The following GPC3 variants were observed in gnomAD, a reference collection of about 807,000 sequenced individuals.
GPC3 encodes the protein glypican 3, also known as glypican-3.
GPC3 carries 3 observed loss-of-function variants against 34.4 expected under a neutral mutation model. The ratio of observed to expected loss-of-function variants is 0.09; its 90% CI spans 0.04 to 0.23. The LOEUF is 0.23. Among genes scored for constraint, GPC3 ranks in the 10% least tolerant of loss-of-function variants. GPC3 has a pLI of 1.00. For missense variants in GPC3, 351 were observed against 445.6 expected, an observed-to-expected ratio of 0.79 and a Z score of 1.91; for synonymous variants, 177 against 174.0, an observed-to-expected ratio of 1.02 and a Z score of -0.13.
At position 133,611,240 on chromosome X, in the gene GPC3, G is replaced by GT. The variant is rs2070109199; in HGVS notation, c.1414-14642_1414-14641insA. Among the ~76,000 whole-genome samples the GT allele has an allele frequency of 3.6e-5, 4 of 109,732 alleles. No homozygotes were observed. The South Asian group carries it at 1.6e-3, about 44-fold the overall frequency. ...GGTGGGGTGTGGGTGGGGGTGTGGT[G>GT]GGGGGTGGAGCATGAAGCAGCCAAT... is the stretch of plus-strand genomic sequence containing the variant. On this transcript the variant is annotated intron_variant, in intron 6 of 7. Transcript: ENST00000370818.
intron 2 of GPC3, among the ~76,000 whole-genome samples, chrX:133,770,100 G>A (rs2071899159): frequency 8.9e-6 from 1 of 112,066 alleles, no homozygotes. Flanking sequence ...AACATAGTGA[G>A]ACTCTGTCTC....
rs190013313 is a variant in GPC3, at chrX:133,902,575, T to C, written c.337+50475A>G. ...TCGTCTCTACTAAAAATACAAAAAC[T>C]AGCCAGGCGTGGTGGTGCACACCTG... is the stretch of plus-strand genomic sequence containing the variant. On this transcript the variant is annotated intron_variant, in intron 2 of 7. Transcript: ENST00000370818. Among the ~76,000 whole-genome samples the C allele has an allele frequency of 4.2e-3, 467 of 110,828 alleles. 1 individual carries two copies. Among genetic ancestry groups the C allele is most frequent in the African/African-American group, 0.013 (394 of 30,488 alleles).
intron 3 of GPC3, among the ~76,000 whole-genome samples, chrX:133,716,907 G>A (rs1323038591): frequency 1.8e-5 from 2 of 111,702 alleles, no homozygotes; most frequent in Non-Finnish European, 3.8e-5. Flanking sequence ...CAAGAGAGAA[G>A]TAATTCATTG....
intron 2 of GPC3, among the ~76,000 whole-genome samples, chrX:133,802,346 T>TAACAACAAC (rs34458608): frequency 7.5e-4 from 82 of 109,453 alleles, no homozygotes; most frequent in East Asian, 5.7e-3. Context: ...GACATTATAT[T>TAACAACAAC]AACAACAACA....
chrX:133,864,572 A>G (rs1263093429), intron 2 of GPC3, among the ~76,000 whole-genome samples: 1 of 111,704 alleles, frequency 9.0e-6, no homozygotes, highest in African/African-American at 3.3e-5. Context: ...TGAATACCCA[A>G]TGCTCACATG....
chrX:133,604,763 G>A (rs772966710), intron 6 of GPC3, among the ~76,000 whole-genome samples: 55 of 111,775 alleles, frequency 4.9e-4, no homozygotes, highest in African/African-American at 1.8e-3. Context: ...TGGAATCCAG[G>A]TTACATTTTA....
At chrX:133,557,059 C>T (rs979084644) in intron 7 of GPC3, among the ~76,000 whole-genome samples, 50 of 109,692 alleles carry the variant, frequency 4.6e-4, no homozygotes, top group Admixed American at 9.7e-4. Context: ...TTTGGGAGGC[C>T]GAGGCAGGCG....
At chrX:133,725,456 A>G (rs944863108) in intron 3 of GPC3, among the ~76,000 whole-genome samples, 3 of 112,743 alleles carry the variant, frequency 2.7e-5, no homozygotes, top group African/African-American at 9.7e-5. Flanking sequence ...ACAAAATATT[A>G]GTAGACACAA....
chrX:133,650,469 A>C (rs1603210369), intron 6 of GPC3, among the ~76,000 whole-genome samples: 1 of 109,563 alleles, frequency 9.1e-6, no homozygotes, highest in Non-Finnish European at 1.9e-5. Context: ...ACACACACAC[A>C]CACACACACA....
chrX:133,673,923 G>T (rs2070857236), intron 5 of GPC3, among the ~76,000 whole-genome samples: 1 of 112,011 alleles, frequency 8.9e-6, no homozygotes. Flanking sequence ...TTCAATAAAG[G>T]TTATTTGAAA....
intron 2 of GPC3, among the ~76,000 whole-genome samples, chrX:133,790,133 GAA>G (rs773593405): frequency 2.9e-5 from 3 of 104,713 alleles, no homozygotes; most frequent in Non-Finnish European, 5.9e-5. Flanking sequence ...AGCCAAACAA[GAA>G]AAAAAAAAGA....
intron 2 of GPC3, among the ~76,000 whole-genome samples, chrX:133,847,686 T>C (rs1603258730): frequency 1.8e-5 from 2 of 112,152 alleles, no homozygotes; most frequent in Admixed American, 1.9e-4. Flanking sequence ...TTTTCCAAAC[T>C]AGAACTAGTT....
rs1031633908 is a variant in GPC3 at position 133,864,774 on chromosome X, T to C, written c.337+88276A>G. On this transcript the variant is annotated intron_variant, in intron 2 of 7. Coordinates refer to ENST00000370818, the MANE Select transcript of GPC3 (RefSeq NM_004484.4). ...ATTTCATTCATGATGCAAGGAGGTT[T>C]CTTATTCAAATATGAGTGTGAAACA... Among the ~76,000 whole-genome samples, 8 of 113,196 alleles carry C rather than the reference T, an allele frequency of 7.1e-5. No individual in the cohort carries two copies. In the East Asian group the frequency reaches 1.6e-3, roughly 23 times the overall value.
intron 2 of GPC3, among the ~76,000 whole-genome samples, chrX:133,809,009 C>T (rs779131801): frequency 8.9e-5 from 10 of 112,066 alleles, no homozygotes; most frequent in South Asian, 3.7e-4. Context: ...TTTTCCTATT[C>T]ATATCCTTGT....
intron 3 of GPC3, among the ~76,000 whole-genome samples, chrX:133,735,862 C>G (rs2071506815): frequency 9.2e-6 from 1 of 108,496 alleles, no homozygotes; most frequent in Non-Finnish European, 1.9e-5. Flanking sequence ...ACTTGGGAGA[C>G]TGAGGTGGGA....
intron 2 of GPC3, among the ~76,000 whole-genome samples, chrX:133,776,967 C>T (rs747806209): frequency 2.9e-5 from 3 of 104,937 alleles, no homozygotes; most frequent in African/African-American, 1.0e-4. Context: ...GCAACCTCCA[C>T]CTCCCAGGTT....
At chrX:133,974,265 G>A (rs1207222401) in intron 1 of GPC3, among the ~76,000 whole-genome samples, 1 of 111,801 alleles carries the variant, frequency 8.9e-6, no homozygotes. Context: ...GCCCAGGCTG[G>A]TCTTGAACTC....
chrX:133,966,289 AG>A (rs1468110816), intron 1 of GPC3, among the ~76,000 whole-genome samples: 2 of 112,437 alleles, frequency 1.8e-5, no homozygotes, highest in Non-Finnish European at 3.8e-5. Flanking sequence ...ATAATCATAA[AG>A]GGAGCTAGGC....
At chrX:133,566,402 C>T (rs1447135516) in intron 7 of GPC3, among the ~76,000 whole-genome samples, 1 of 111,867 alleles carries the variant, frequency 8.9e-6, no homozygotes, top group Non-Finnish European at 1.9e-5. Flanking sequence ...TAAGGCTTGA[C>T]CTATATTGCA....
Sources: gnomAD v4.1 joint callset for allele counts (sites outside exome capture counted in the v4.1 genomes callset) on GRCh38, gnomAD v4.1.1 for gene constraint, MANE v1.5 for transcripts, NCBI Gene and HGNC (gene_info 2026-07-23, HGNC 2026-07-21) for gene names.